The following LINGO2 variants were observed in gnomAD, a reference collection of about 807,000 sequenced individuals.
The protein encoded by LINGO2 is leucine rich repeat and Ig domain containing 2.
In LINGO2, 14 loss-of-function variants were observed where a neutral mutation model predicts 30.6. The ratio of observed to expected loss-of-function variants is 0.46; its 90% CI spans 0.30 to 0.72. The LOEUF is 0.72. Ranked by LOEUF, LINGO2 falls within the 30% of genes least tolerant of loss-of-function variation. The probability of loss-of-function intolerance (pLI) is 0.07; values close to 1 mark genes in which losing one functional copy is unlikely to be tolerated. For synonymous variants in LINGO2, 317 were observed against 288.5 expected (o/e 1.10, Z -1.00); for missense variants, 729 against 751.7 (o/e 0.97, Z 0.35).
chr9:29,178,257 T>C, the LINGO2 span, among the ~76,000 whole-genome samples: 2 of 152,038 alleles, frequency 1.3e-5, no homozygotes, highest in African/African-American at 2.4e-5. Flanking sequence ...AGTTTCACCA[T>C]GTTGGGCAGA....
At chr9:28,959,490 T>C in the LINGO2 span, among the ~76,000 whole-genome samples, 1 of 151,968 alleles carries the variant, frequency 6.6e-6, no homozygotes, top group South Asian at 2.1e-4. Context: ...ACTAGATACA[T>C]GTATAGGATC....
chr9:28,249,959 G>T (rs1274550383), intron 4 of LINGO2, among the ~76,000 whole-genome samples: 1 of 152,186 alleles, frequency 6.6e-6, no homozygotes, highest in Non-Finnish European at 1.5e-5. Context: ...TATTCAGATA[G>T]AAGGGGCAGC....
chr9:28,416,657 G>GA (rs1195864762), intron 2 of LINGO2, among the ~76,000 whole-genome samples: 2 of 152,076 alleles, frequency 1.3e-5, no homozygotes, highest in Middle Eastern at 3.4e-3. Context: ...TGTCTATCAA[G>GA]AAAAAAATAT....
intron 5 of LINGO2, among the ~76,000 whole-genome samples, chr9:28,004,843 G>T (rs1455842235): frequency 1.3e-5 from 2 of 152,200 alleles, no homozygotes; most frequent in African/African-American, 2.4e-5. Flanking sequence ...GGAGAATGCG[G>T]CAGGGATCTC....
chr9:28,846,283 C>T, the LINGO2 span, among the ~76,000 whole-genome samples: 1 of 151,606 alleles, frequency 6.6e-6, no homozygotes, highest in Non-Finnish European at 1.5e-5. Flanking sequence ...GGCCTCTTGC[C>T]TCAAGTTGCA....
At chr9:28,134,508 G>A (rs1310117902) in intron 4 of LINGO2, among the ~76,000 whole-genome samples, 1 of 152,190 alleles carries the variant, frequency 6.6e-6, no homozygotes, top group African/African-American at 2.4e-5. Flanking sequence ...ACTACGATCT[G>A]GGCAGAGCCA....
At chr9:28,125,649 C>A (rs1827215760) in intron 4 of LINGO2, among the ~76,000 whole-genome samples, 4 of 152,090 alleles carry the variant, frequency 2.6e-5, no homozygotes. Context: ...ATCATTAAGG[C>A]CCACGTAGAT....
chr9:28,642,686 C>T (rs4463512), intron 1 of LINGO2, among the ~76,000 whole-genome samples: 2 of 151,776 alleles, frequency 1.3e-5, no homozygotes, highest in African/African-American at 2.4e-5. Flanking sequence ...AAAGAAGACA[C>T]ACATGGGGCA....
the LINGO2 span, among the ~76,000 whole-genome samples, chr9:28,897,768 CT>C: frequency 6.6e-6 from 1 of 152,030 alleles, no homozygotes; most frequent in Admixed American, 6.5e-5. Flanking sequence ...ATAATAAACA[CT>C]TAAAATGTTA....
intron 4 of LINGO2, among the ~76,000 whole-genome samples, chr9:28,217,353 G>C (rs536740010): frequency 1.3e-5 from 2 of 151,752 alleles, no homozygotes; most frequent in South Asian, 4.2e-4. Flanking sequence ...TTAATACACT[G>C]TTAAAATATT....
chr9:27,953,797 A>G (rs977235286), intron 5 of LINGO2, among the ~76,000 whole-genome samples: 2 of 125,302 alleles, frequency 1.6e-5, no homozygotes, highest in East Asian at 5.9e-4. Flanking sequence ...CAGCATGAGA[A>G]CAAACTAATA....
At chr9:28,993,482 T>C in the LINGO2 span, among the ~76,000 whole-genome samples, 5 of 151,928 alleles carry the variant, frequency 3.3e-5, no homozygotes, top group Non-Finnish European at 5.9e-5. Context: ...TTCCAATCAA[T>C]AGAAAAAGAG....
At chr9:28,299,526 C>T (rs2134201591) in intron 3 of LINGO2, among the ~76,000 whole-genome samples, 1 of 152,056 alleles carries the variant, frequency 6.6e-6, no homozygotes, top group Admixed American at 6.6e-5. Flanking sequence ...TAACAACTAC[C>T]ACTAATACTT....
intron 1 of LINGO2, among the ~76,000 whole-genome samples, chr9:28,527,020 T>A (rs773541159): frequency 1.3e-5 from 2 of 152,198 alleles, no homozygotes; most frequent in African/African-American, 2.4e-5. Flanking sequence ...CATTTTTAAT[T>A]GACTCTAAAT....
chr9:29,191,825 G>T, the LINGO2 span, among the ~76,000 whole-genome samples: 5 of 152,082 alleles, frequency 3.3e-5, no homozygotes, highest in South Asian at 8.3e-4. Flanking sequence ...AATATTAGCA[G>T]TACATTATGA....
chr9:28,489,872 T>C (rs141931532), intron 1 of LINGO2, among the ~76,000 whole-genome samples: 1 of 120,338 alleles, frequency 8.3e-6, no homozygotes, highest in Non-Finnish European at 1.6e-5. Context: ...CACTCCAGCC[T>C]GGAAACAGAG....
the LINGO2 span, among the ~76,000 whole-genome samples, chr9:29,028,347 G>C: frequency 6.8e-6 from 1 of 146,940 alleles, no homozygotes; most frequent in African/African-American, 2.5e-5. Context: ...AGGAAGGAGG[G>C]TTTCATTCAG....
At chr9:28,617,531 G>A (rs1196529174) in intron 1 of LINGO2, among the ~76,000 whole-genome samples, 4 of 151,962 alleles carry the variant, frequency 2.6e-5, no homozygotes, top group African/African-American at 2.4e-5. Flanking sequence ...TCCTGACCTC[G>A]TGATCCGCCC....
intron 4 of LINGO2, among the ~76,000 whole-genome samples, chr9:28,043,603 A>T (rs901605376): frequency 2.0e-5 from 3 of 152,190 alleles, no homozygotes; most frequent in African/African-American, 4.8e-5. Flanking sequence ...TTCTTTATGG[A>T]AAGTTTCAAA....
Sources: gnomAD v4.1 joint callset for allele counts (sites outside exome capture counted in the v4.1 genomes callset) on GRCh38, gnomAD v4.1.1 for gene constraint, MANE v1.5 for transcripts, NCBI Gene and HGNC (gene_info 2026-07-23, HGNC 2026-07-21) for gene names.